Variants in MICALL2 observed in about 807,000 individuals in gnomAD.
MICALL2 encodes MICAL-like protein 2.
Under a neutral mutation model 91.1 loss-of-function variants are expected in MICALL2, and 111 were observed. The observed-to-expected ratio is 1.22, with a 90% CI of 1.04 to 1.43. The LOEUF (loss-of-function observed/expected upper bound fraction) is 1.43. Ranked by LOEUF, MICALL2 falls within the 40% of genes most tolerant of loss-of-function variation. The pLI is 0.00. For missense variants in MICALL2, 1,556 were observed against 1,236.0 expected (o/e 1.26, Z -3.88); for synonymous variants, 694 against 525.3 (o/e 1.32, Z -4.39).
At chr7:1,448,322 G>A (rs1283955821) in intron 3 of MICALL2, among the ~76,000 whole-genome samples, 1 of 152,272 alleles carries the variant, frequency 6.6e-6, no homozygotes, top group Non-Finnish European at 1.5e-5. Context: ...AGGAGCTGCT[G>A]GTGCACCTGG....
rs1217101084 is a variant in MICALL2, at chr7:1,434,995, C to G, written c.2638+106G>C. The G allele has an allele frequency of 3.8e-5, 19 of 494,630 alleles. No homozygotes were observed. The Middle Eastern group carries it at 1.6e-3, about 41-fold the overall frequency. 30.6% of individuals were successfully genotyped at this position (494,630 alleles called of 1,614,324 possible). A position where few individuals can be genotyped will look rare whatever the true frequency, so the allele number is the denominator to read the frequency against. Reference sequence around the variant, plus strand: ...GGGGACCCGATACCCGCCCCCCCCCCACCCCCAGCTGGAGGCCCGGTCCAC... The same window carrying G: ...GGGGACCCGATACCCGCCCCCCCCCGACCCCCAGCTGGAGGCCCGGTCCAC... On this transcript the variant is annotated intron_variant, in intron 16 of 16. Coordinates refer to ENST00000297508, the MANE Select transcript of MICALL2 (RefSeq NM_182924.4).
chr7:1,434,838 C>T, intron 16 of MICALL2, 166 bp from the exon 17 acceptor site: 1 of 782,590 alleles, frequency 1.3e-6, no homozygotes, highest in Non-Finnish European at 2.0e-6. Flanking sequence ...AGAACCTGCC[C>T]CGACTGGGTG....
chr7:1,440,261 C>A, intron 8 of MICALL2, 176 bp from the exon 9 acceptor site: 1 of 746,486 alleles, frequency 1.3e-6, no homozygotes, highest in African/African-American at 1.8e-5. Context: ...ACACACGTGT[C>A]CATCGCTACC....
At chr7:1,438,658 A>T in intron 10 of MICALL2, 182 bp downstream of exon 10, 2 of 1,426,164 alleles carry the variant, frequency 1.4e-6, no homozygotes, top group Non-Finnish European at 1.8e-6. Flanking sequence ...GGTACTCTGA[A>T]ACAGCTAGGG....
chr7:1,446,708 C>T lies in MICALL2; in HGVS notation c.641+5G>A. On this transcript the variant is annotated splice_donor_5th_base_variant and intron_variant, in intron 5 of 16. Coordinates refer to ENST00000297508, the MANE Select transcript of MICALL2 (RefSeq NM_182924.4). Reference sequence around the variant, plus strand: ...CTCAGGCGTGCGGGCAGAGGGCAGCCCCACCTGAAGCAGCTCCGGTGGTAA... The same window carrying T: ...CTCAGGCGTGCGGGCAGAGGGCAGCTCCACCTGAAGCAGCTCCGGTGGTAA... 6.3e-7 allele frequency: 1 copy of T among 1,582,356 alleles called. No homozygotes were observed. The highest frequency in any genetic ancestry group is 8.6e-7 in the Non-Finnish European group (1 of 1,163,944).
intron 5 of MICALL2, 23 bp from the exon 6 acceptor site, chr7:1,445,451 G>GC (rs1042410902): frequency 6.7e-7 from 1 of 1,485,152 alleles, no homozygotes; most frequent in African/African-American, 1.4e-5. Flanking sequence ...AGGCACAGGA[G>GC]CCCCAGCTCG....
Position 1,440,680 on chromosome 7 carries a change from C to G in MICALL2, c.1716G>C (p.Met572Ile), listed in dbSNP as rs767564040. ...CCTGGCCTTCCTGGAGGCTGGTGCT[C>G]ATGTCTGGGTGGGAGGCAAGGGGTC... ...KGKSTTLTQDMSTSLQEGQED... is the reference protein window; with the variant it reads ...KGKSTTLTQDISTSLQEGQED... The change falls in exon 8 of 17, where the codon ATG becomes ATC. Residue 572 changes from methionine to isoleucine, a missense_variant. Physicochemically the swap from Met to Ile is conservative, Grantham distance 10. Transcript: ENST00000297508. The G allele has an allele frequency of 5.0e-6, 8 of 1,611,352 alleles. No individual in the cohort carries two copies. Among genetic ancestry groups the G allele is most frequent in the Non-Finnish European group, 6.8e-6 (8 of 1,179,760 alleles).
At chr7:1,453,320 A>C (rs2128525522) in intron 1 of MICALL2, among the ~76,000 whole-genome samples, 1 of 152,190 alleles carries the variant, frequency 6.6e-6, no homozygotes, top group African/African-American at 2.4e-5. Flanking sequence ...TCCTCATAAA[A>C]GGGAAATGTG....
At chr7:1,446,914 A>G (rs1283458732) in intron 4 of MICALL2, 86 bp from the exon 5 acceptor site, 1 of 947,992 alleles carries the variant, frequency 1.1e-6, no homozygotes, top group East Asian at 2.7e-5. Context: ...GGAAGAGCCC[A>G]TCTTACAGAT....
intron 1 of MICALL2, among the ~76,000 whole-genome samples, chr7:1,454,390 G>C (rs1584235584): frequency 6.6e-6 from 1 of 151,954 alleles, no homozygotes; most frequent in East Asian, 2.0e-4. Flanking sequence ...GGCAGAGAGG[G>C]GACTCGGGGA....
chr7:1,456,146 C>T (rs1416032902), intron 1 of MICALL2, among the ~76,000 whole-genome samples: 2 of 151,860 alleles, frequency 1.3e-5, no homozygotes, highest in East Asian at 3.9e-4. Context: ...AGGGGCCAGG[C>T]GCGGCGGCTC....
intron 2 of MICALL2, 61 bp downstream of exon 2, chr7:1,450,179 C>T (rs1186493110): frequency 2.1e-6 from 3 of 1,403,690 alleles, no homozygotes; most frequent in Non-Finnish European, 3.0e-6. Context: ...GTCCCTCGGA[C>T]GTGGGTGGGG....
intron 4 of MICALL2, 60 bp downstream of exon 4, chr7:1,447,515 C>A (rs1780652516): frequency 2.7e-6 from 3 of 1,098,020 alleles, no homozygotes; most frequent in Non-Finnish European, 3.8e-6. Context: ...CCACAAGCCC[C>A]TTCTGCACCC....
At chr7:1,455,827 G>C (rs1584237601) in intron 1 of MICALL2, among the ~76,000 whole-genome samples, 1 of 152,006 alleles carries the variant, frequency 6.6e-6, no homozygotes. Flanking sequence ...CAGACAGGGA[G>C]ACAGGACGTC....
At chr7:1,448,848 A>T in intron 2 of MICALL2, 87 bp from the exon 3 acceptor site, 3 of 1,517,712 alleles carry the variant, frequency 2.0e-6, no homozygotes, top group Non-Finnish European at 1.8e-6. Flanking sequence ...TCAAAGACAC[A>T]GTCTTGGAGC....
rs142680712 is a variant in MICALL2 at position 1,449,779 on chromosome 7, G to A, written c.192+461C>T. ...ATTCTGCAGCAGGCAAACTGAGGCT[G>A]CACACAGGGAAGGGCCTGGAAGCTG... On this transcript the variant is annotated intron_variant, in intron 2 of 16. Transcript: ENST00000297508. 2.2e-3 allele frequency among the ~76,000 whole-genome samples: 332 copies of A among 152,368 alleles called. 2 individuals carry two copies. The highest frequency in any genetic ancestry group is 7.6e-3 in the African/African-American group (317 of 41,582).
At position 1,451,286 on chromosome 7, in the gene MICALL2, A is replaced by C. The variant is rs1478856899; in HGVS notation, c.144-998T>G. Among the ~76,000 whole-genome samples, 1 of 152,098 alleles carries C rather than the reference A, an allele frequency of 6.6e-6. No homozygotes were observed. Among genetic ancestry groups the C allele is most frequent in the Non-Finnish European group, 1.5e-5 (1 of 68,008 alleles). Reference sequence around the variant, plus strand: ...GCAGAAAACACACCAAGATCCCAGGAGGCCCCAGCCCAGCCCCAGGCCCTC... The same window carrying C: ...GCAGAAAACACACCAAGATCCCAGGCGGCCCCAGCCCAGCCCCAGGCCCTC... On this transcript the variant is annotated intron_variant, in intron 1 of 16. Coordinates refer to ENST00000297508, the MANE Select transcript of MICALL2 (RefSeq NM_182924.4). This position sits in a 1 kb window ranked among gnomAD's most constrained non-coding sequence, Gnocchi z 4.5.
chr7:1,437,254 G>T, intron 14 of MICALL2: 1 of 525,046 alleles, frequency 1.9e-6, no homozygotes, highest in South Asian at 2.7e-5. Context: ...TGCCTTGTGC[G>T]AATTGATTCG....
At chr7:1,438,675 T>C (rs749196563) in intron 10 of MICALL2, 165 bp downstream of exon 10, 222 of 1,446,826 alleles carry the variant, frequency 1.5e-4, no homozygotes, top group Non-Finnish European at 1.9e-4. Context: ...AGGGTCTCTA[T>C]TCATGAGGGC....
Sources: allele counts gnomAD v4.1 joint callset (sites outside exome capture counted in the v4.1 genomes callset), GRCh38; gene constraint gnomAD v4.1.1; non-coding constraint Gnocchi (gnomAD v3.1); transcripts MANE v1.5; gene names NCBI Gene and HGNC (gene_info 2026-07-23, HGNC 2026-07-21).